AP4E1: variants seen among roughly 807,000 people sequenced by gnomAD.
AP4E1 encodes the protein adaptor related protein complex 4 subunit epsilon 1.
In AP4E1, 56 loss-of-function variants were observed where a neutral mutation model predicts 128.2. The ratio of observed to expected loss-of-function variants is 0.44; its 90% CI spans 0.35 to 0.55. AP4E1 has a LOEUF of 0.55. AP4E1 is among the 20% of genes least tolerant of loss of function. AP4E1 has a pLI of 0.00. For missense variants in AP4E1, 1,324 were observed against 1,307.7 expected (o/e 1.01, Z -0.19); for synonymous variants, 484 against 473.1 (o/e 1.02, Z -0.30).
At position 51,002,483 on chromosome 15, in the gene AP4E1, C is replaced by CA. The variant is rs2064976357; in HGVS notation, c.3254-18dup. On this transcript the variant is annotated intron_variant, in intron 20 of 20. Coordinates refer to ENST00000261842, the MANE Select transcript of AP4E1 (RefSeq NM_007347.5). ...ACTCCTTTTGCATTAAATCATTTTT[C>CA]ACTTTTGTTTTGTTTTAGGCAATGA... The CA allele has an allele frequency of 1.2e-6, 2 of 1,613,578 alleles. No individual in the cohort carries two copies. The highest frequency in any genetic ancestry group is 4.5e-5 in the East Asian group (2 of 44,866).
intron 20 of AP4E1, among the ~76,000 whole-genome samples, chr15:51,001,445 T>C (rs1724061255): frequency 6.6e-6 from 1 of 152,210 alleles, no homozygotes; most frequent in African/African-American, 2.4e-5. Context: ...ACTGTCACCA[T>C]CATCTATCTT....
At chr15:50,948,431 T>C (rs1011915058) in intron 11 of AP4E1, among the ~76,000 whole-genome samples, 3 of 151,896 alleles carry the variant, frequency 2.0e-5, no homozygotes, top group African/African-American at 4.8e-5. Context: ...CTTTTTCCTC[T>C]TTCAGTCCTG....
chr15:50,929,958 C>T (rs1192983548), intron 6 of AP4E1, among the ~76,000 whole-genome samples: 1 of 151,782 alleles, frequency 6.6e-6, no homozygotes, highest in East Asian at 1.9e-4. Context: ...ATAATTTCCC[C>T]AGTCCAAGAG....
At chr15:50,941,411 A>T (rs1300232892) in intron 8 of AP4E1, 31 bp from the exon 9 acceptor site, 1 of 1,607,398 alleles carries the variant, frequency 6.2e-7, no homozygotes, top group Admixed American at 1.7e-5. Context: ...CCTTACCATG[A>T]TACCTGCCAT....
intron 5 of AP4E1, among the ~76,000 whole-genome samples, chr15:50,926,545 C>G (rs1445956329): frequency 1.3e-5 from 2 of 151,506 alleles, no homozygotes; most frequent in African/African-American, 4.8e-5. Flanking sequence ...ATTTTACATA[C>G]TTTAAATCAG....
intron 17 of AP4E1, among the ~76,000 whole-genome samples, chr15:50,996,872 C>T (rs1025585157): frequency 5.9e-5 from 9 of 152,202 alleles, no homozygotes; most frequent in African/African-American, 1.9e-4. Flanking sequence ...TGCTTACTAA[C>T]TTACAGGCCA....
intron 15 of AP4E1, among the ~76,000 whole-genome samples, chr15:50,977,711 T>TTTTTTTTTTTG (rs2064574654): frequency 1.2e-5 from 1 of 85,130 alleles, no homozygotes; most frequent in African/African-American, 3.3e-5. Context: ...TTATGGTTTT[T>TTTTTTTTTTTG]TTTTTTTTTT....
intron 2 of AP4E1, among the ~76,000 whole-genome samples, chr15:50,913,309 A>G (rs886168489): frequency 8.5e-5 from 13 of 152,252 alleles, no homozygotes; most frequent in Admixed American, 1.3e-4. Context: ...GCTTCATAGT[A>G]CTAGATAGAA....
intron 3 of AP4E1, among the ~76,000 whole-genome samples, chr15:50,921,748 T>C (rs1410567499): frequency 3.9e-5 from 6 of 152,250 alleles, no homozygotes; most frequent in Admixed American, 3.3e-4. Context: ...TACTCAAAGC[T>C]TGTATACCTC....
At chr15:50,921,585 G>A (rs938378599) in intron 3 of AP4E1, among the ~76,000 whole-genome samples, 23 of 151,716 alleles carry the variant, frequency 1.5e-4, no homozygotes, top group African/African-American at 4.8e-4. Context: ...TCCTGACTTC[G>A]AGTGATCCGC....
At chr15:50,975,337 G>A (rs1215786564) in intron 15 of AP4E1, among the ~76,000 whole-genome samples, 7 of 152,166 alleles carry the variant, frequency 4.6e-5, no homozygotes, top group Admixed American at 3.3e-4. Context: ...CCCGGGAGGT[G>A]GAGGTTGCAG....
intron 13 of AP4E1, among the ~76,000 whole-genome samples, chr15:50,956,900 T>C (rs909803507): frequency 2.6e-5 from 4 of 152,214 alleles, no homozygotes; most frequent in Admixed American, 6.5e-5. Context: ...ACTCATCCTG[T>C]AGCTCTCAAC....
At chr15:51,002,319 A>G (rs1036342274) in intron 20 of AP4E1, among the ~76,000 whole-genome samples, 183 bp from the exon 21 acceptor site, 8 of 152,132 alleles carry the variant, frequency 5.3e-5, no homozygotes, top group Non-Finnish European at 2.9e-5. Flanking sequence ...TTTCTTTAAT[A>G]TTAGCCATCC....
chr15:50,915,359 A>C (rs1416938274), intron 2 of AP4E1, 89 bp from the exon 3 acceptor site: 1 of 1,357,420 alleles, frequency 7.4e-7, no homozygotes, highest in African/African-American at 1.4e-5. Context: ...CCAGGATTAA[A>C]GGATTCTCCT....
chr15:50,932,953 G>A (rs2063853891), intron 7 of AP4E1, among the ~76,000 whole-genome samples: 2 of 152,266 alleles, frequency 1.3e-5, no homozygotes, highest in East Asian at 3.9e-4. Flanking sequence ...TTAAAATCAT[G>A]AATTTTATAT....
chr15:50,933,897 C>G (rs1388483621), intron 7 of AP4E1, among the ~76,000 whole-genome samples: 2 of 149,924 alleles, frequency 1.3e-5, no homozygotes, highest in Non-Finnish European at 3.0e-5. Flanking sequence ...TTTTTTTTTT[C>G]TTCTATTAGT....
Position 51,002,896 on chromosome 15 carries a change from A to AT in AP4E1, c.*235dup. On this transcript the variant is annotated 3_prime_UTR_variant, in exon 21 of 21. Transcript: ENST00000261842. The stretch of plus-strand genomic sequence containing the variant: ...GTCCCTCAAAAAGTGACCTAAGCTA[A>AT]TGTTATAAACTGCTAATGATTTATA... The AT allele has an allele frequency of 2.0e-6, 1 of 505,598 alleles. No individual in the cohort carries two copies. Among genetic ancestry groups the AT allele is most frequent in the Non-Finnish European group, 3.6e-6 (1 of 279,334 alleles). 31.3% of individuals were successfully genotyped at this position (505,598 alleles called of 1,614,324 possible).
Position 50,930,914 on chromosome 15 carries a change from C to G in AP4E1, c.812C>G (p.Pro271Arg). ...VEFNYHSVPA[P>R]WLQIQLLRIL... ...TTCAATTACCACAGTGTGCCAGCAC[C>G]ATGGTTACAAATTCAGCTCTTGAGA... Residue 271 changes from proline (P) to arginine (R), a missense_variant, in exon 7 of 21, where the codon CCA becomes CGA. Physicochemically the swap from Pro to Arg is moderately radical, Grantham distance 103. Coordinates refer to ENST00000261842, the MANE Select transcript of AP4E1 (RefSeq NM_007347.5). 6.2e-7 allele frequency: 1 copy of G among 1,614,052 alleles called. No individual in the cohort carries two copies. Among genetic ancestry groups the G allele is most frequent in the Non-Finnish European group, 8.5e-7 (1 of 1,180,006 alleles).
At chr15:50,945,779 A>G in intron 10 of AP4E1, 1 of 760,898 alleles carries the variant, frequency 1.3e-6, no homozygotes, top group South Asian at 1.4e-5. Flanking sequence ...GCTAAGGATT[A>G]TAACTAGAAA....
Sources: gnomAD v4.1 joint callset for allele counts (sites outside exome capture counted in the v4.1 genomes callset) on GRCh38, gnomAD v4.1.1 for gene constraint, MANE v1.5 for transcripts, NCBI Gene and HGNC (gene_info 2026-07-23, HGNC 2026-07-21) for gene names.